LRMDA: variants seen among roughly 807,000 people sequenced by gnomAD.
The protein encoded by LRMDA is leucine rich melanocyte differentiation associated, also known as leucine-rich melanocyte differentiation-associated protein.
A neutral mutation model predicts 29.8 loss-of-function variants in LRMDA; 18 were observed. The observed-to-expected ratio is 0.60, with a 90% CI of 0.42 to 0.90. LRMDA has a LOEUF of 0.90. LRMDA is among the 40% of genes least tolerant of loss of function. The probability of loss-of-function intolerance (pLI) is 0.00; values close to 1 mark genes in which losing one functional copy is unlikely to be tolerated. For synonymous variants in LRMDA, 125 were observed against 109.4 expected, an observed-to-expected ratio of 1.14 and a Z score of -0.89; for missense variants, 273 against 273.9, an observed-to-expected ratio of 1.00 and a Z score of 0.02.
intron 1 of LRMDA, among the ~76,000 whole-genome samples, chr10:75,437,831 C>T (rs143726742): frequency 6.2e-4 from 94 of 152,288 alleles, no homozygotes; most frequent in African/African-American, 2.0e-3. Flanking sequence ...GCCTTCAAAT[C>T]AGCTTTGTTT....
chr10:75,733,966 T>G (rs1041496084), intron 2 of LRMDA, among the ~76,000 whole-genome samples: 1 of 152,194 alleles, frequency 6.6e-6, no homozygotes, highest in African/African-American at 2.4e-5. Context: ...AGAAGGAGGC[T>G]TCTCAAGCCC....
intron 2 of LRMDA, among the ~76,000 whole-genome samples, chr10:75,826,471 A>G (rs962277956): frequency 2.6e-5 from 4 of 152,202 alleles, no homozygotes; most frequent in Admixed American, 6.5e-5. Flanking sequence ...GGTCTAGGTC[A>G]GTGTCCATGT....
chr10:75,730,273 G>A (rs893564442), intron 2 of LRMDA, among the ~76,000 whole-genome samples: 1 of 152,114 alleles, frequency 6.6e-6, no homozygotes, highest in African/African-American at 2.4e-5. Flanking sequence ...ATGGACTCAA[G>A]TTGCTCTATA....
intron 5 of LRMDA, among the ~76,000 whole-genome samples, chr10:76,276,614 G>T (rs1042493271): frequency 1.3e-5 from 2 of 151,916 alleles, no homozygotes; most frequent in Non-Finnish European, 2.9e-5. Context: ...GTGTTTATTT[G>T]CTAATTCCAA....
chr10:76,067,675 C>T (rs1848806846), intron 5 of LRMDA, among the ~76,000 whole-genome samples: 1 of 152,138 alleles, frequency 6.6e-6, no homozygotes, highest in African/African-American at 2.4e-5. Context: ...CCACCCCTCC[C>T]AATTCTTTGC....
intron 6 of LRMDA, among the ~76,000 whole-genome samples, chr10:76,377,089 G>A (rs1452369731): frequency 1.3e-5 from 2 of 151,684 alleles, no homozygotes; most frequent in Non-Finnish European, 2.9e-5. Flanking sequence ...GTTTCACCGT[G>A]TTAGCCAATA....
chr10:76,351,085 T>A (rs1841170906), intron 6 of LRMDA, among the ~76,000 whole-genome samples: 1 of 151,734 alleles, frequency 6.6e-6, no homozygotes, highest in Non-Finnish European at 1.5e-5. Flanking sequence ...ACTAGATCAG[T>A]TAAATGTAGT....
intron 2 of LRMDA, among the ~76,000 whole-genome samples, chr10:75,956,018 G>A (rs1038686181): frequency 6.6e-6 from 1 of 151,956 alleles, no homozygotes; most frequent in Non-Finnish European, 1.5e-5. Flanking sequence ...TAATTTCTAT[G>A]GGCAAGGGAT....
At chr10:75,446,966 A>G (rs1387614028) in intron 2 of LRMDA, among the ~76,000 whole-genome samples, 1 of 152,178 alleles carries the variant, frequency 6.6e-6, no homozygotes, top group Non-Finnish European at 1.5e-5. Flanking sequence ...CCAACCTCAA[A>G]TGTAGTGGTC....
At chr10:76,317,591 T>G (rs1318862774) in intron 5 of LRMDA, among the ~76,000 whole-genome samples, 1 of 152,212 alleles carries the variant, frequency 6.6e-6, no homozygotes, top group Non-Finnish European at 1.5e-5. Context: ...ATTTAGTTTT[T>G]GAGATGGAGT....
chr10:75,925,416 G>C (rs1380520601), intron 2 of LRMDA, among the ~76,000 whole-genome samples: 1 of 151,986 alleles, frequency 6.6e-6, no homozygotes, highest in Admixed American at 6.6e-5. Context: ...GTTAGCGTCT[G>C]GGGGGGTTGG....
chr10:76,035,443 GA>G (rs113540060), intron 2 of LRMDA, among the ~76,000 whole-genome samples: 21 of 148,314 alleles, frequency 1.4e-4, no homozygotes, highest in Non-Finnish European at 2.8e-4. Flanking sequence ...AAAGGCAGAG[GA>G]AAAAAAAAAG....
chr10:76,309,713 T>G (rs755519187), intron 5 of LRMDA, among the ~76,000 whole-genome samples: 32 of 152,164 alleles, frequency 2.1e-4, no homozygotes, highest in Non-Finnish European at 3.5e-4. Context: ...CAGACTGGAT[T>G]TGAGGTGGCA....
intron 2 of LRMDA, 126 bp downstream of exon 2, chr10:75,438,620 G>A: frequency 1.4e-6 from 1 of 695,834 alleles, no homozygotes; most frequent in South Asian, 1.8e-5. Flanking sequence ...TCAGCAGAAG[G>A]CTCTGAGATG....
intron 6 of LRMDA, among the ~76,000 whole-genome samples, chr10:76,367,890 A>T (rs1321475517): frequency 1.3e-5 from 2 of 152,112 alleles, no homozygotes; most frequent in African/African-American, 4.8e-5. Flanking sequence ...ATGTACATAA[A>T]GGTGTTCATA....
At chr10:75,521,845 G>T (rs1262091928) in intron 2 of LRMDA, among the ~76,000 whole-genome samples, 5 of 152,216 alleles carry the variant, frequency 3.3e-5, no homozygotes, top group African/African-American at 4.8e-5. Flanking sequence ...ATCCATTAAT[G>T]TTATGTTATA....
intron 6 of LRMDA, among the ~76,000 whole-genome samples, chr10:76,343,542 G>T (rs1451444295): frequency 3.3e-5 from 5 of 151,980 alleles, no homozygotes; most frequent in Non-Finnish European, 5.9e-5. Flanking sequence ...TGCCAAAAAG[G>T]CTTTGGCCAA....
In LRMDA at chr10:75,909,890, G is replaced by T. The variant is rs138807903; in HGVS notation, c.132-126118G>T. Among the ~76,000 whole-genome samples, 22 of 152,310 alleles carry T rather than the reference G, an allele frequency of 1.4e-4. No individual in the cohort carries two copies. In the East Asian group the frequency reaches 3.5e-3, roughly 24 times the overall value. ...CTAAATTTTGATGGAGTAAGCAAAA[G>T]AATGCTGGAAACGACTTCAATGTGT... is the stretch of plus-strand genomic sequence containing the variant. On this transcript the variant is annotated intron_variant, in intron 2 of 6. Coordinates refer to ENST00000611255, the MANE Select transcript of LRMDA (RefSeq NM_001305581.2).
At chr10:76,055,466 G>A (rs1412956561) in intron 4 of LRMDA, among the ~76,000 whole-genome samples, 2 of 152,222 alleles carry the variant, frequency 1.3e-5, no homozygotes, top group African/African-American at 4.8e-5. Flanking sequence ...TCCTTGGGTT[G>A]TTACTTCCTC....
Sources: allele counts gnomAD v4.1 joint callset (sites outside exome capture counted in the v4.1 genomes callset), GRCh38; gene constraint gnomAD v4.1.1; transcripts MANE v1.5; gene names NCBI Gene and HGNC (gene_info 2026-07-23, HGNC 2026-07-21).